PREPL: variants seen among roughly 807,000 people sequenced by gnomAD.
PREPL encodes prolyl endopeptidase-like.
Under a neutral mutation model 70.6 loss-of-function variants are expected in PREPL, and 77 were observed. The observed-to-expected ratio is 1.09, with a 90% CI of 0.91 to 1.32. PREPL has a LOEUF of 1.32. Ranked by LOEUF, PREPL falls within the 40% of genes most tolerant of loss-of-function variation. The pLI is 0.00. For synonymous variants in PREPL, 315 were observed against 264.8 expected, an observed-to-expected ratio of 1.19 and a Z score of -1.84; for missense variants, 1,002 against 778.2, an observed-to-expected ratio of 1.29 and a Z score of -3.42.
At chr2:44,351,697 G>C (rs76908765) in intron 1 of PREPL, among the ~76,000 whole-genome samples, 2 of 152,100 alleles carry the variant, frequency 1.3e-5, no homozygotes, top group African/African-American at 4.8e-5. Context: ...TTTAGAATCT[G>C]ACCACTTCTC....
intron 1 of PREPL, among the ~76,000 whole-genome samples, chr2:44,360,921 C>G (rs1677686646): frequency 6.6e-6 from 1 of 152,152 alleles, no homozygotes; most frequent in Admixed American, 6.5e-5. Flanking sequence ...TACCATAGAT[C>G]AGATGCGCTA....
rs763292534 is a variant in PREPL at position 44,320,462 on chromosome 2, C to T, written c.*894G>A. 1.9e-5 allele frequency: 30 copies of T among 1,613,924 alleles called. No individual in the cohort carries two copies. The highest frequency in any genetic ancestry group is 4.5e-5 in the East Asian group (2 of 44,896). On this transcript the variant is annotated 3_prime_UTR_variant, in exon 14 of 14. Coordinates refer to ENST00000409411, the MANE Select transcript of PREPL (RefSeq NM_001171613.2). ...GAATAAGGTTAAGTACCAATTCTGC[C>T]GACAAAGGCAGTAAAGTTGATACAA... is the stretch of plus-strand genomic sequence containing the variant.
chr2:44,329,024 G>C lies in PREPL; in HGVS notation c.1175C>G (p.Ala392Gly), dbSNP rs1572857002. The C allele has an allele frequency of 1.3e-5, 21 of 1,613,744 alleles. No individual in the cohort carries two copies. The East Asian group carries it at 4.0e-4, about 31-fold the overall frequency. The change falls in exon 9 of 14, where the codon GCT becomes GGT. Residue 392 changes from alanine to glycine, a missense_variant. Coordinates refer to ENST00000409411, the MANE Select transcript of PREPL (RefSeq NM_001171613.2). ...KKPLLVHVYG[A>G]YGMDLKMNFR... ...ATTCATTTTCAAATCCATTCCATAA[G>C]CTCCATATACATGTACCAAGAGAGG...
At chr2:44,328,180 G>A (rs1403333334) in intron 9 of PREPL, among the ~76,000 whole-genome samples, 2 of 151,492 alleles carry the variant, frequency 1.3e-5, no homozygotes, top group African/African-American at 2.4e-5. Flanking sequence ...CAGCTACTCA[G>A]GAGGCTGAGG....
intron 7 of PREPL, among the ~76,000 whole-genome samples, chr2:44,333,248 G>C (rs971092874): frequency 3.3e-5 from 5 of 152,134 alleles, no homozygotes; most frequent in African/African-American, 1.2e-4. Context: ...TCTACTCTGA[G>C]AGACTCACAG....
At chr2:44,348,428 G>A (rs558490829) in intron 1 of PREPL, among the ~76,000 whole-genome samples, 3 of 152,240 alleles carry the variant, frequency 2.0e-5, no homozygotes, top group Non-Finnish European at 2.9e-5. Context: ...CTAGATTCAG[G>A]ATTGTCTGTT....
At position 44,318,343 on chromosome 2, in the gene PREPL, TG is replaced by T. The variant is rs138461522; in HGVS notation, c.*3012del. Reference sequence around the variant, plus strand: ...CTGACCTCTGGTGATCTGTCTGCCTTGCCTCCCAAAGTGCTAGGATTACGGG... The same window carrying T: ...CTGACCTCTGGTGATCTGTCTGCCTTCCTCCCAAAGTGCTAGGATTACGGG... On this transcript the variant is annotated 3_prime_UTR_variant, in exon 14 of 14. Coordinates refer to ENST00000409411, the MANE Select transcript of PREPL (RefSeq NM_001171613.2). The T allele has an allele frequency of 2.7e-3, 516 of 194,496 alleles. 1 individual carries two copies. The highest frequency in any genetic ancestry group is 0.012 in the African/African-American group (484 of 41,896). 12.0% of individuals were successfully genotyped at this position (194,496 alleles called of 1,614,324 possible). A position where few individuals can be genotyped will look rare whatever the true frequency, so the allele number is the denominator to read the frequency against.
chr2:44,320,262 A>C lies in PREPL; in HGVS notation c.*1094T>G, dbSNP rs1415279780. 4 of 1,614,114 alleles carry C rather than the reference A, an allele frequency of 2.5e-6. No individual in the cohort carries two copies. The East Asian group carries it at 8.9e-5, about 36-fold the overall frequency. On this transcript the variant is annotated 3_prime_UTR_variant, in exon 14 of 14. Coordinates refer to ENST00000409411, the MANE Select transcript of PREPL (RefSeq NM_001171613.2). The stretch of plus-strand genomic sequence containing the variant: ...TCAAGATTTAAGTCTACTTCATGCC[A>C]ATGAGCTACTCCTCAACAGGGGCTG...
At chr2:44,347,565 T>C (rs1463915695) in intron 1 of PREPL, among the ~76,000 whole-genome samples, 1 of 152,226 alleles carries the variant, frequency 6.6e-6, no homozygotes, top group Non-Finnish European at 1.5e-5. Flanking sequence ...ATTAATATCA[T>C]ATAAATCATT....
rs895701641 is a variant in PREPL, at chr2:44,317,684, A to T, written c.*3672T>A. On this transcript the variant is annotated 3_prime_UTR_variant, in exon 14 of 14. Coordinates refer to ENST00000409411, the MANE Select transcript of PREPL (RefSeq NM_001171613.2). ...CAAAGAATTATTTTCAAAGAACACT[A>T]GACATAAAATATAACAATTTTCAAA... The T allele has an allele frequency of 6.6e-6, 1 of 152,424 alleles. No individual in the cohort carries two copies. Among genetic ancestry groups the T allele is most frequent in the African/African-American group, 2.4e-5 (1 of 41,384 alleles). 9.4% of individuals were successfully genotyped at this position (152,424 alleles called of 1,614,324 possible).
At chr2:44,349,428 G>T (rs1229620032) in intron 1 of PREPL, among the ~76,000 whole-genome samples, 2 of 151,732 alleles carry the variant, frequency 1.3e-5, no homozygotes, top group Non-Finnish European at 2.9e-5. Flanking sequence ...GCCTCAAAAA[G>T]AATAATAAAT....
At chr2:44,335,366 C>T (rs1674533568) in intron 7 of PREPL, among the ~76,000 whole-genome samples, 1 of 152,152 alleles carries the variant, frequency 6.6e-6, no homozygotes, top group Non-Finnish European at 1.5e-5. Context: ...TTTGTTCTAA[C>T]AAGTGCATTG....
At chr2:44,353,796 C>A (rs946951748) in intron 1 of PREPL, among the ~76,000 whole-genome samples, 6 of 151,956 alleles carry the variant, frequency 3.9e-5, no homozygotes, top group Non-Finnish European at 8.8e-5. Flanking sequence ...GTTGCTCAGA[C>A]AATGGATATC....
In PREPL at chr2:44,326,572, C is replaced by G. The variant is rs112097641; in HGVS notation, c.1479+140G>C. The G allele has an allele frequency of 6.5e-5, 51 of 789,534 alleles. 1 individual carries two copies. The African/African-American group carries it at 6.9e-4, about 11-fold the overall frequency. The allele number at this position is 789,534 out of a possible 1,614,324, so 48.9% of individuals were successfully genotyped here. A position where few individuals can be genotyped will look rare whatever the true frequency, so the allele number is the denominator to read the frequency against. On this transcript the variant is annotated intron_variant, in intron 10 of 13. Coordinates refer to ENST00000409411, the MANE Select transcript of PREPL (RefSeq NM_001171613.2). ...AGGCTGGTCTCGAGCTCCTGGTAAG[C>G]AATCTGCCCACCTCAGTTTCCCGAA...
chr2:44,320,003 A>G lies in PREPL; in HGVS notation c.*1353T>C, dbSNP rs3197473. The G allele has an allele frequency of 0.083, 48,523 of 584,174 alleles. 2,400 individuals are homozygous for G. The highest frequency in any genetic ancestry group is 0.1 in the Non-Finnish European group (34,707 of 330,908). 36.2% of individuals were successfully genotyped at this position (584,174 alleles called of 1,614,324 possible). ...ACTTATTGACTCCCAGACAAGCCGA[A>G]ACCCCGAATTTGTCATTTCTATCAG... On this transcript the variant is annotated 3_prime_UTR_variant, in exon 14 of 14. Transcript: ENST00000409411.
intron 1 of PREPL, among the ~76,000 whole-genome samples, chr2:44,347,786 C>T (rs1050910332): frequency 9.9e-5 from 15 of 152,070 alleles, no homozygotes; most frequent in African/African-American, 3.6e-4. Context: ...GTATTTATTG[C>T]ATAAAATATG....
At chr2:44,331,034 C>A (rs994450597) in intron 8 of PREPL, among the ~76,000 whole-genome samples, 1 of 152,114 alleles carries the variant, frequency 6.6e-6, no homozygotes. Context: ...CCTCAACCTC[C>A]TGGGCTCAAG....
chr2:44,344,926 GA>G (rs1675626081), intron 2 of PREPL, among the ~76,000 whole-genome samples: 1 of 152,162 alleles, frequency 6.6e-6, no homozygotes, highest in African/African-American at 2.4e-5. Flanking sequence ...TCAATTAACA[GA>G]AATCAAGTGG....
chr2:44,359,967 G>T, intron 1 of PREPL: 2 of 438,862 alleles, frequency 4.6e-6, no homozygotes, highest in South Asian at 6.2e-5. Context: ...TGACTTAAAT[G>T]TCTCATTTGT....
Sources: gnomAD v4.1 joint callset for allele counts (sites outside exome capture counted in the v4.1 genomes callset) on GRCh38, gnomAD v4.1.1 for gene constraint, MANE v1.5 for transcripts, NCBI Gene and HGNC (gene_info 2026-07-23, HGNC 2026-07-21) for gene names.